PPP2R5A: variants seen among roughly 807,000 people sequenced by gnomAD.
PPP2R5A encodes protein phosphatase 2 regulatory subunit B'alpha, also known as serine/threonine-protein phosphatase 2A 56 kDa regulatory subunit alpha isoform.
PPP2R5A carries 25 observed loss-of-function variants against 64.2 expected under a neutral mutation model. The observed-to-expected ratio is 0.39, with a 90% CI of 0.28 to 0.54. The LOEUF is 0.54. Ranked by LOEUF, PPP2R5A falls within the 20% of genes least tolerant of loss-of-function variation. The pLI is 0.67. For synonymous variants in PPP2R5A, 198 were observed against 201.2 expected, an observed-to-expected ratio of 0.98 and a Z score of 0.13; for missense variants, 425 against 576.3, an observed-to-expected ratio of 0.74 and a Z score of 2.69.
chr1:212,342,954 TC>T (rs1371468312), intron 4 of PPP2R5A, among the ~76,000 whole-genome samples: 1 of 145,736 alleles, frequency 6.9e-6, no homozygotes, highest in Non-Finnish European at 1.5e-5. Flanking sequence ...TTTAAAGGCC[TC>T]TTTTTTTTTT....
At chr1:212,353,972 CAGG>C (rs1419885332) in intron 8 of PPP2R5A, among the ~76,000 whole-genome samples, 2 of 151,848 alleles carry the variant, frequency 1.3e-5, no homozygotes, top group African/African-American at 2.4e-5. Flanking sequence ...ATCACGAGGT[CAGG>C]AGATCGAGAC....
chr1:212,332,231 A>T (rs1453271009), intron 2 of PPP2R5A, among the ~76,000 whole-genome samples: 1 of 152,214 alleles, frequency 6.6e-6, no homozygotes, highest in Non-Finnish European at 1.5e-5. Flanking sequence ...GGTTACAGTA[A>T]TTGACTATTA....
At chr1:212,295,602 G>A (rs1658678869) in intron 1 of PPP2R5A, among the ~76,000 whole-genome samples, 1 of 152,180 alleles carries the variant, frequency 6.6e-6, no homozygotes. Flanking sequence ...AATGGGTAAG[G>A]GAAAAAGGTA....
At chr1:212,302,627 T>G (rs190959809) in intron 1 of PPP2R5A, among the ~76,000 whole-genome samples, 1 of 152,364 alleles carries the variant, frequency 6.6e-6, no homozygotes, top group East Asian at 1.9e-4. Context: ...AATTCCCCAT[T>G]TAAAGTATAC....
intron 11 of PPP2R5A, among the ~76,000 whole-genome samples, chr1:212,357,696 G>A (rs927354776): frequency 6.6e-6 from 1 of 151,700 alleles, no homozygotes; most frequent in Non-Finnish European, 1.5e-5. Flanking sequence ...CCATCTACTC[G>A]GGAGGCTGAG....
At chr1:212,291,351 G>T (rs1439478982) in intron 1 of PPP2R5A, among the ~76,000 whole-genome samples, 1 of 152,036 alleles carries the variant, frequency 6.6e-6, no homozygotes, top group Non-Finnish European at 1.5e-5. Flanking sequence ...CAAAGTTATG[G>T]GATTACAGGC....
At chr1:212,330,174 A>G (rs1161890132) in intron 2 of PPP2R5A, among the ~76,000 whole-genome samples, 1 of 152,202 alleles carries the variant, frequency 6.6e-6, no homozygotes, top group Non-Finnish European at 1.5e-5. Context: ...ATCAAACAGT[A>G]TGATTTTGTT....
Position 212,347,418 on chromosome 1 carries a change from T to A in PPP2R5A, c.764+12T>A. On this transcript the variant is annotated intron_variant, in intron 6 of 12. Coordinates refer to ENST00000261461, the MANE Select transcript of PPP2R5A (RefSeq NM_006243.4). ...GAAATATTAGGAAGGTAGGTCAGGT[T>A]TTTTTGTTCTTTTTAAGAATTAAGT... 6.4e-7 allele frequency: 1 copy of A among 1,562,430 alleles called. No homozygotes were observed. Among genetic ancestry groups the A allele is most frequent in the South Asian group, 1.1e-5 (1 of 87,450 alleles).
intron 1 of PPP2R5A, among the ~76,000 whole-genome samples, chr1:212,325,193 A>G (rs1659385015): frequency 6.6e-6 from 1 of 152,302 alleles, no homozygotes; most frequent in East Asian, 1.9e-4. Flanking sequence ...TCTGTTGAAT[A>G]TAGGCCTAAA....
chr1:212,289,014 A>C (rs950493560), intron 1 of PPP2R5A, among the ~76,000 whole-genome samples: 2 of 152,258 alleles, frequency 1.3e-5, no homozygotes, highest in Non-Finnish European at 2.9e-5. Context: ...GTGGGATTTT[A>C]ATGGCAAAAA....
intron 1 of PPP2R5A, among the ~76,000 whole-genome samples, chr1:212,289,931 CTT>C (rs1208181697): frequency 6.6e-6 from 1 of 152,156 alleles, no homozygotes; most frequent in Non-Finnish European, 1.5e-5. Flanking sequence ...AAGTCAGACT[CTT>C]TAAAACATTA....
At chr1:212,294,500 A>G (rs1658657574) in intron 1 of PPP2R5A, among the ~76,000 whole-genome samples, 1 of 152,186 alleles carries the variant, frequency 6.6e-6, no homozygotes, top group African/African-American at 2.4e-5. Flanking sequence ...ATTCTTCTTT[A>G]AATTGGTCAG....
At chr1:212,290,421 C>T (rs192869390) in intron 1 of PPP2R5A, among the ~76,000 whole-genome samples, 1 of 152,290 alleles carries the variant, frequency 6.6e-6, no homozygotes, top group East Asian at 1.9e-4. Flanking sequence ...AGTTCAAATT[C>T]ATCTGAAGAT....
intron 3 of PPP2R5A, among the ~76,000 whole-genome samples, chr1:212,340,527 G>T (rs867132010): frequency 1.2e-4 from 18 of 152,274 alleles, no homozygotes; most frequent in African/African-American, 4.3e-4. Flanking sequence ...AGCGCTCTGT[G>T]ATCAGTTTTG....
intron 1 of PPP2R5A, among the ~76,000 whole-genome samples, chr1:212,327,825 CATTG>C (rs1277491633): frequency 1.3e-5 from 2 of 151,162 alleles, no homozygotes; most frequent in African/African-American, 4.9e-5. Context: ...TTGGTTTCTG[CATTG>C]ATTGATTGAG....
intron 8 of PPP2R5A, chr1:212,352,848 T>C (rs1383919659): frequency 1.9e-6 from 1 of 519,226 alleles, no homozygotes; most frequent in Non-Finnish European, 3.8e-6. Flanking sequence ...GCTGCTTCCA[T>C]GTAGCTGCTG....
intron 1 of PPP2R5A, among the ~76,000 whole-genome samples, chr1:212,305,819 TAA>T (rs777786958): frequency 3.3e-5 from 5 of 152,166 alleles, no homozygotes; most frequent in Non-Finnish European, 5.9e-5. Context: ...AGATATGAGA[TAA>T]AGAGTATCTT....
chr1:212,305,754 T>C (rs1658888304), intron 1 of PPP2R5A, among the ~76,000 whole-genome samples: 1 of 151,976 alleles, frequency 6.6e-6, no homozygotes, highest in African/African-American at 2.4e-5. Flanking sequence ...TGTTTATAAT[T>C]GTTACCCTCT....
chr1:212,286,229 G>A lies in PPP2R5A; in HGVS notation c.119G>A (p.Gly40Asp), dbSNP rs776003767. ...GCGCAGAGGCAGAAGCGCTCCCAGG[G>A]CTCGTCGCAGTTTCGCAGCCAGGGC... ...RKAQRQKRSQGSSQFRSQGSQ... is the reference protein window; with the variant it reads ...RKAQRQKRSQDSSQFRSQGSQ... Residue 40 changes from glycine (G) to aspartate (D), a missense_variant, in exon 1 of 13, where the codon GGC becomes GAC. Physicochemically the swap from Gly to Asp is moderately conservative, Grantham distance 94. Transcript: ENST00000261461. 1.9e-6 allele frequency: 3 copies of A among 1,565,552 alleles called. No individual in the cohort carries two copies. The highest frequency in any genetic ancestry group is 2.6e-6 in the Non-Finnish European group (3 of 1,157,110).
Sources: gnomAD v4.1 joint callset for allele counts (sites outside exome capture counted in the v4.1 genomes callset) on GRCh38, gnomAD v4.1.1 for gene constraint, MANE v1.5 for transcripts, NCBI Gene and HGNC (gene_info 2026-07-23, HGNC 2026-07-21) for gene names.